Variants in MSI2 observed in about 807,000 individuals in gnomAD.
MSI2 encodes musashi RNA binding protein 2.
A neutral mutation model predicts 45.6 loss-of-function variants in MSI2; 17 were observed. The observed-to-expected ratio is 0.37, with a 90% CI of 0.26 to 0.56. MSI2 has a LOEUF of 0.56. MSI2 is among the 20% of genes least tolerant of loss of function. MSI2 has a pLI of 0.77. For synonymous variants in MSI2, 156 were observed against 158.2 expected (o/e 0.99, Z 0.11); for missense variants, 293 against 444.2 (o/e 0.66, Z 3.06).
chr17:57,293,595 G>GTTTTTTTTT (rs71139983), intron 5 of MSI2, among the ~76,000 whole-genome samples: 8 of 134,686 alleles, frequency 5.9e-5, no homozygotes, highest in Non-Finnish European at 7.7e-5. Flanking sequence ...TTGTTTTTTT[G>GTTTTTTTTT]TTTTTTTTTT....
At chr17:57,442,808 G>C (rs114526413) in intron 6 of MSI2, among the ~76,000 whole-genome samples, 1 of 152,326 alleles carries the variant, frequency 6.6e-6, no homozygotes, top group African/African-American at 2.4e-5. Context: ...CACGCTGGGG[G>C]CCTGGGATAC....
chr17:57,397,826 C>G (rs1161285250), intron 5 of MSI2, among the ~76,000 whole-genome samples: 1 of 152,146 alleles, frequency 6.6e-6, no homozygotes, highest in Non-Finnish European at 1.5e-5. Flanking sequence ...CAAGGGTTGC[C>G]CATGTTTCCA....
At chr17:57,395,901 T>G (rs2083879702) in intron 5 of MSI2, among the ~76,000 whole-genome samples, 1 of 152,122 alleles carries the variant, frequency 6.6e-6, no homozygotes. Flanking sequence ...AGCATGCGAG[T>G]CATCTCATTG....
chr17:57,619,263 G>A (rs1908044327), intron 9 of MSI2, among the ~76,000 whole-genome samples: 1 of 152,314 alleles, frequency 6.6e-6, no homozygotes, highest in East Asian at 1.9e-4. Flanking sequence ...CAGGAGGCAA[G>A]GGGCAAGAGC....
intron 7 of MSI2, among the ~76,000 whole-genome samples, chr17:57,539,752 C>A (rs2087001866): frequency 6.6e-6 from 1 of 151,920 alleles, no homozygotes; most frequent in African/African-American, 2.4e-5. Flanking sequence ...TGAAAAGAAG[C>A]CTGGTTTGCG....
chr17:57,672,900 A>G (rs966497727), intron 11 of MSI2, among the ~76,000 whole-genome samples: 9 of 152,206 alleles, frequency 5.9e-5, no homozygotes, highest in South Asian at 2.1e-4. Flanking sequence ...TGAATCTTCT[A>G]TATTCAAAAA....
chr17:57,256,844 C>T (rs1470961132), intron 1 of MSI2, 40 bp downstream of exon 1: 2 of 1,413,688 alleles, frequency 1.4e-6, no homozygotes, highest in South Asian at 1.5e-5. Context: ...GCCTTGGGCT[C>T]GCTCTCCTTG....
At chr17:57,392,121 A>T (rs986229061) in intron 5 of MSI2, among the ~76,000 whole-genome samples, 1 of 152,158 alleles carries the variant, frequency 6.6e-6, no homozygotes, top group African/African-American at 2.4e-5. Flanking sequence ...TGATGCAGGG[A>T]TCATGATCCT....
At position 57,283,780 on chromosome 17, in the gene MSI2, G is replaced by T. The variant is rs550594982; in HGVS notation, c.312+21588G>T. On this transcript the variant is annotated intron_variant, in intron 5 of 13. Transcript: ENST00000284073. ...TTAAAGGAGGCAGAAGACCACACGC[G>T]CACGCGCACTCCCGGAAGCGTGGTT... Among the ~76,000 whole-genome samples the T allele has an allele frequency of 6.6e-5, 10 of 152,328 alleles. No homozygotes were observed. In the East Asian group the frequency reaches 1.7e-3, roughly 26 times the overall value.
At position 57,596,489 on chromosome 17, in the gene MSI2, G is replaced by A. The variant is rs955627305; in HGVS notation, c.455-379G>A. ...CCGAGGGCTGGCCAGGGCTGCTCGC[G>A]GAAAGGGCAAGCGTGGCCCCGCAGT... On this transcript the variant is annotated intron_variant, in intron 7 of 13. Transcript: ENST00000284073. This position sits in a 1 kb window ranked among gnomAD's most constrained non-coding sequence, Gnocchi z 4.6. Among the ~76,000 whole-genome samples, 3 of 152,238 alleles carry A rather than the reference G, an allele frequency of 2.0e-5. No homozygotes were observed. The highest frequency in any genetic ancestry group is 2.9e-5 in the Non-Finnish European group (2 of 68,044).
chr17:57,359,269 G>A (rs1049649898), intron 5 of MSI2, among the ~76,000 whole-genome samples: 2 of 152,066 alleles, frequency 1.3e-5, no homozygotes, highest in Admixed American at 6.6e-5. Flanking sequence ...CTCAATATGG[G>A]CATTTTAATC....
intron 7 of MSI2, among the ~76,000 whole-genome samples, chr17:57,546,924 T>C (rs115842714): frequency 0.011 from 1,687 of 152,300 alleles, 40 homozygotes; most frequent in African/African-American, 0.038. Context: ...CCTGAGCTCA[T>C]GTTCTGCGGG....
intron 6 of MSI2, among the ~76,000 whole-genome samples, chr17:57,506,121 C>G (rs2086222957): frequency 6.6e-6 from 1 of 152,220 alleles, no homozygotes; most frequent in Non-Finnish European, 1.5e-5. Context: ...ATCTCTGTGG[C>G]AAGCGGAGGT....
chr17:57,687,005 G>GCC (rs36159001), downstream of MSI2, among the ~76,000 whole-genome samples: 2,854 of 147,040 alleles, frequency 0.019, 25 homozygotes, highest in African/African-American at 0.04. Flanking sequence ...TTGGCCAGCA[G>GCC]CCCCCCCCCC....
chr17:57,318,307 G>A (rs1279237657), intron 5 of MSI2, among the ~76,000 whole-genome samples: 1 of 152,040 alleles, frequency 6.6e-6, no homozygotes, highest in Non-Finnish European at 1.5e-5. Context: ...TGGACTCTGT[G>A]CTCTGAGTGC....
At chr17:57,286,929 G>T (rs1235884603) in intron 5 of MSI2, among the ~76,000 whole-genome samples, 1 of 152,130 alleles carries the variant, frequency 6.6e-6, no homozygotes, top group East Asian at 1.9e-4. Context: ...CCAAGTGCGG[G>T]TCCTGCAGGT....
At chr17:57,470,616 G>A (rs578097758) in intron 6 of MSI2, among the ~76,000 whole-genome samples, 1 of 152,328 alleles carries the variant, frequency 6.6e-6, no homozygotes, top group South Asian at 2.1e-4. Flanking sequence ...TCCCCCAAAA[G>A]CTTCGCCCAG....
At chr17:57,268,390 T>A (rs1598048271) in intron 5 of MSI2, 1 of 152,252 alleles carries the variant, frequency 6.6e-6, no homozygotes, top group East Asian at 1.9e-4. Flanking sequence ...TATGGTACAG[T>A]CAGTTGCCAC....
chr17:57,531,173 G>A (rs1392974927), intron 7 of MSI2, among the ~76,000 whole-genome samples: 2 of 152,146 alleles, frequency 1.3e-5, no homozygotes, highest in Non-Finnish European at 2.9e-5. Flanking sequence ...TTTCCAAGCC[G>A]GACTTCCAGA....
Sources: allele counts gnomAD v4.1 joint callset (sites outside exome capture counted in the v4.1 genomes callset), GRCh38; gene constraint gnomAD v4.1.1; non-coding constraint Gnocchi (gnomAD v3.1); transcripts MANE v1.5; gene names NCBI Gene and HGNC (gene_info 2026-07-23, HGNC 2026-07-21).